Variants in EIF2AK4 observed in about 807,000 individuals in gnomAD.
EIF2AK4 encodes the protein eIF-2-alpha kinase GCN2.
In EIF2AK4, 139 loss-of-function variants were observed where a neutral mutation model predicts 211.1. The ratio of observed to expected loss-of-function variants is 0.66; its 90% CI spans 0.57 to 0.76. The LOEUF is 0.76. Among genes scored for constraint, EIF2AK4 ranks in the 30% least tolerant of loss-of-function variants. The pLI is 0.00. For missense variants in EIF2AK4, 1,664 were observed against 2,043.8 expected (o/e 0.81, Z 3.58); for synonymous variants, 710 against 751.3 (o/e 0.94, Z 0.90).
At chr15:40,021,647 C>G (rs1036607134) in intron 31 of EIF2AK4, 2 of 152,496 alleles carry the variant, frequency 1.3e-5, no homozygotes, top group Admixed American at 1.3e-4. Flanking sequence ...AGCATGCAGG[C>G]CTGACACTTG....
chr15:40,003,655 C>T (rs1354787341), intron 23 of EIF2AK4, among the ~76,000 whole-genome samples: 1 of 152,208 alleles, frequency 6.6e-6, no homozygotes, highest in Non-Finnish European at 1.5e-5. Context: ...TTTTTAACTT[C>T]CTGGCTAGAT....
intron 11 of EIF2AK4, chr15:39,974,087 G>C (rs1418665627): frequency 6.0e-6 from 1 of 166,558 alleles, no homozygotes; most frequent in Non-Finnish European, 1.3e-5. Context: ...TTTTTCTCCT[G>C]TTTGCTGTTA....
Position 39,953,936 on chromosome 15 carries a change from GAAAGAAGAGATA to G in EIF2AK4, c.557_568del (p.Ile186_Glu189del), listed in dbSNP as rs774656986. The G allele has an allele frequency of 1.4e-5, 22 of 1,610,734 alleles. No individual in the cohort carries two copies. Among genetic ancestry groups the G allele is most frequent in the Non-Finnish European group, 1.8e-5 (21 of 1,179,476 alleles). On this transcript the variant is annotated inframe_deletion, in exon 5 of 39. Transcript: ENST00000263791. ...AAATCCTGCATGAGATTCAGAGAAG[GAAAGAAGAGATA>G]AAAGAAGAGAAAAAAAGGAAAGAAA...
intron 33 of EIF2AK4, 95 bp downstream of exon 33, chr15:40,026,184 G>T: frequency 8.9e-7 from 1 of 1,122,430 alleles, no homozygotes; most frequent in South Asian, 1.4e-5. Flanking sequence ...GCCAGGTGCT[G>T]TGGCTCACAC....
intron 9 of EIF2AK4, among the ~76,000 whole-genome samples, chr15:39,972,290 G>A (rs73388531): frequency 0.011 from 1,670 of 149,408 alleles, 46 homozygotes; most frequent in African/African-American, 0.039. Flanking sequence ...GCAGAAGTTG[G>A]AATGAGCTGA....
Position 39,965,689 on chromosome 15 carries a change from G to A in EIF2AK4, c.863G>A (p.Ser288Asn), listed in dbSNP as rs190244504. The A allele has an allele frequency of 7.4e-6, 12 of 1,613,920 alleles. No homozygotes were observed. The highest frequency in any genetic ancestry group is 3.3e-5 in the Admixed American group (2 of 59,986). Residue 288 changes from serine (S) to asparagine (N), a missense_variant, in exon 8 of 39, where the codon AGT (serine) becomes AAT (asparagine). This residue lies in a region of EIF2AK4 where 641 missense variants were observed against 729.6 expected (regional missense o/e 0.88). Transcript: ENST00000263791. ...LMVHKGKCIG[S>N]DEQLGKLVYN... is the part of the protein sequence containing the mutation. ...ACACTTTCTGTTTAATGTGCAGGCA[G>A]TGATGAACAACTTGGAAAATTAGTC...
At chr15:40,010,983 G>T (rs1459878602) in intron 26 of EIF2AK4, among the ~76,000 whole-genome samples, 2 of 152,146 alleles carry the variant, frequency 1.3e-5, no homozygotes, top group Non-Finnish European at 2.9e-5. Flanking sequence ...CTCCCTCCCT[G>T]CCCAAACAAA....
intron 9 of EIF2AK4, among the ~76,000 whole-genome samples, chr15:39,968,440 GT>G (rs2140913501): frequency 6.6e-6 from 1 of 152,314 alleles, no homozygotes; most frequent in South Asian, 2.1e-4. Flanking sequence ...TTCTTGAGAT[GT>G]TTCCTCAGGC....
At chr15:40,007,581 G>T (rs745752418) in intron 24 of EIF2AK4, among the ~76,000 whole-genome samples, 2 of 152,032 alleles carry the variant, frequency 1.3e-5, no homozygotes, top group African/African-American at 2.4e-5. Flanking sequence ...ATACCACAGG[G>T]GTCCAACACT....
rs559246569 is a variant in EIF2AK4 at position 40,029,742 on chromosome 15, A to G, written c.4561+278A>G. On this transcript the variant is annotated intron_variant, in intron 34 of 38. Coordinates refer to ENST00000263791, the MANE Select transcript of EIF2AK4 (RefSeq NM_001013703.4). ...AATTTATTGTACAAGTGAAATGTGT[A>G]TAATTTTCCTGGAGATTTTCCTCAT... Among the ~76,000 whole-genome samples, 16 of 152,344 alleles carry G rather than the reference A, an allele frequency of 1.1e-4. No individual in the cohort carries two copies. In the South Asian group the frequency reaches 3.3e-3, roughly 32 times the overall value.
At chr15:39,963,573 A>T (rs1285221944) in intron 7 of EIF2AK4, among the ~76,000 whole-genome samples, 2 of 152,124 alleles carry the variant, frequency 1.3e-5, no homozygotes, top group Non-Finnish European at 2.9e-5. Context: ...TTTTCAATGA[A>T]GTATTTTTAT....
At position 40,022,595 on chromosome 15, in the gene EIF2AK4, G is replaced by A. The variant is rs770056067; in HGVS notation, c.4379G>A (p.Ser1460Asn). ...GCCCTTGTCTCGGATAAAGAAGGAA[G>A]CCATGTCAAGGTAAAGACGTCAGAG... The part of the protein sequence containing the change: ...YVALVSDKEG[S>N]HVKVKSFEKE... Residue 1460 changes from serine (S) to asparagine (N), a missense_variant, in exon 32 of 39, where the codon AGC becomes AAC. Ser to Asn is a conservative substitution (Grantham distance 46). This residue lies in a region of EIF2AK4 where 622 missense variants were observed against 796.8 expected (regional missense o/e 0.78). Coordinates refer to ENST00000263791, the MANE Select transcript of EIF2AK4 (RefSeq NM_001013703.4). The A allele has an allele frequency of 1.2e-5, 20 of 1,614,142 alleles. No individual in the cohort carries two copies. The East Asian group carries it at 4.2e-4, about 34-fold the overall frequency.
At chr15:39,957,267 G>A (rs2034403943) in intron 6 of EIF2AK4, among the ~76,000 whole-genome samples, 1 of 152,156 alleles carries the variant, frequency 6.6e-6, no homozygotes, top group African/African-American at 2.4e-5. Flanking sequence ...GGTTAGGCTT[G>A]TTTTTGAGAT....
intron 14 of EIF2AK4, among the ~76,000 whole-genome samples, chr15:39,987,615 A>T (rs149212544): frequency 1.3e-5 from 2 of 152,350 alleles, no homozygotes; most frequent in Admixed American, 1.3e-4. Flanking sequence ...TGATATAATT[A>T]GGTTAACTAA....
intron 22 of EIF2AK4, among the ~76,000 whole-genome samples, 190 bp from the exon 23 acceptor site, chr15:40,003,003 T>A (rs560974940): frequency 6.6e-6 from 1 of 152,336 alleles, no homozygotes; most frequent in East Asian, 1.9e-4. Flanking sequence ...GAGTCAGAAA[T>A]ATGACCAAAC....
At chr15:39,955,139 T>C (rs1400859579) in intron 5 of EIF2AK4, among the ~76,000 whole-genome samples, 1 of 152,210 alleles carries the variant, frequency 6.6e-6, no homozygotes, top group African/African-American at 2.4e-5. Context: ...CTCTCTTTGA[T>C]TCTCCCTTCT....
At chr15:39,981,041 C>T (rs1374780267) in intron 13 of EIF2AK4, among the ~76,000 whole-genome samples, 1 of 152,118 alleles carries the variant, frequency 6.6e-6, no homozygotes, top group African/African-American at 2.4e-5. Flanking sequence ...TACTAATAAA[C>T]ATTTATTAGT....
chr15:40,007,016 A>G lies in EIF2AK4; in HGVS notation c.3358A>G (p.Ile1120Val). The change falls in exon 24 of 39, where the codon ATC becomes GTC. Residue 1120 changes from isoleucine (I) to valine (V), a missense_variant and splice_region_variant. This residue lies in a region of EIF2AK4 where 622 missense variants were observed against 796.8 expected (regional missense o/e 0.78). Coordinates refer to ENST00000263791, the MANE Select transcript of EIF2AK4 (RefSeq NM_001013703.4). ...CTTTCATATTTTGTTTATTTTTCAG[A>G]TCCCTTTTGCAAGATATGTGGCAAG... Reference protein sequence around the residue: ...MLVMLPFDLRIPFARYVARNN... With the variant: ...MLVMLPFDLRVPFARYVARNN... 1 of 1,594,130 alleles carries G rather than the reference A, an allele frequency of 6.3e-7. No homozygotes were observed. The highest frequency in any genetic ancestry group is 8.6e-7 in the Non-Finnish European group (1 of 1,163,680).
At chr15:40,030,956 T>C (rs779721350) in intron 35 of EIF2AK4, among the ~76,000 whole-genome samples, 1 of 152,174 alleles carries the variant, frequency 6.6e-6, no homozygotes, top group Non-Finnish European at 1.5e-5. Context: ...CAAATAAATA[T>C]AGGCCAGGTG....
Sources: allele counts gnomAD v4.1 joint callset (sites outside exome capture counted in the v4.1 genomes callset), GRCh38; gene constraint gnomAD v4.1.1; regional missense constraint gnomAD v4.1.1; transcripts MANE v1.5; gene names NCBI Gene and HGNC (gene_info 2026-07-23, HGNC 2026-07-21).